CDK14: variants seen among roughly 807,000 people sequenced by gnomAD.
CDK14 encodes cyclin dependent kinase 14.
Under a neutral mutation model 60.7 loss-of-function variants are expected in CDK14, and 34 were observed. The observed-to-expected ratio is 0.56, with a 90% CI of 0.43 to 0.75. The LOEUF (loss-of-function observed/expected upper bound fraction) is 0.75, where lower values mean the gene tolerates loss of function less well. Ranked by LOEUF, CDK14 falls within the 30% of genes least tolerant of loss-of-function variation. The pLI, the probability that CDK14 is intolerant of heterozygous loss-of-function variation, is 0.00. For missense variants in CDK14, 482 were observed against 564.1 expected (o/e 0.85, Z 1.47); for synonymous variants, 197 against 203.7 (o/e 0.97, Z 0.28).
At chr7:91,022,857 TAAG>T (rs954598089) in intron 10 of CDK14, among the ~76,000 whole-genome samples, 62 of 152,198 alleles carry the variant, frequency 4.1e-4, no homozygotes, top group Admixed American at 5.2e-4. Context: ...ATGCTGCATG[TAAG>T]AAGAATTATT....
intron 4 of CDK14, among the ~76,000 whole-genome samples, chr7:90,781,398 T>C: frequency 6.6e-6 from 1 of 152,008 alleles, no homozygotes; most frequent in Non-Finnish European, 1.5e-5. Flanking sequence ...TTTCTTTTGC[T>C]GTGCAGAAGC....
At chr7:91,037,317 A>G (rs995406186) in intron 10 of CDK14, among the ~76,000 whole-genome samples, 3 of 152,234 alleles carry the variant, frequency 2.0e-5, no homozygotes, top group Non-Finnish European at 2.9e-5. Flanking sequence ...CAAGTAACTG[A>G]TAAAAATCCT....
intron 2 of CDK14, among the ~76,000 whole-genome samples, chr7:90,686,520 G>A (rs9655989): frequency 0.84 from 128,343 of 152,180 alleles, 54,303 homozygotes; most frequent in East Asian, 1. Context: ...AGCTCCTGGA[G>A]GACATGGTCT....
At chr7:90,684,104 T>G (rs1801381783) in intron 2 of CDK14, among the ~76,000 whole-genome samples, 2 of 152,240 alleles carry the variant, frequency 1.3e-5, no homozygotes, top group Non-Finnish European at 2.9e-5. Flanking sequence ...TCAATATATT[T>G]ACTTGTTTGC....
At chr7:90,721,007 T>TA (rs1272622107) in intron 2 of CDK14, among the ~76,000 whole-genome samples, 2 of 152,162 alleles carry the variant, frequency 1.3e-5, no homozygotes, top group Non-Finnish European at 1.5e-5. Flanking sequence ...TTAACTTCTT[T>TA]AAAAAAATGC....
chr7:90,879,965 C>G (rs1036243398), intron 6 of CDK14, among the ~76,000 whole-genome samples: 2 of 152,198 alleles, frequency 1.3e-5, no homozygotes, highest in Non-Finnish European at 2.9e-5. Context: ...TGCAACCCAC[C>G]AATCGGAAGA....
chr7:90,627,022 A>C (rs1164410509), intron 2 of CDK14, among the ~76,000 whole-genome samples: 1 of 152,192 alleles, frequency 6.6e-6, no homozygotes, highest in Admixed American at 6.5e-5. Context: ...AGATAACTTT[A>C]CTTTTATTAT....
intron 10 of CDK14, among the ~76,000 whole-genome samples, chr7:91,021,083 A>G (rs1210420028): frequency 6.6e-6 from 1 of 152,216 alleles, no homozygotes; most frequent in African/African-American, 2.4e-5. Flanking sequence ...AGCCAGTAAA[A>G]GATTTTCTCT....
At chr7:91,005,676 G>A (rs1343142676) in intron 10 of CDK14, among the ~76,000 whole-genome samples, 1 of 152,158 alleles carries the variant, frequency 6.6e-6, no homozygotes, top group African/African-American at 2.4e-5. Context: ...TGGAACATAA[G>A]CAATTTAAAC....
At chr7:90,926,026 A>C (rs1479219025) in intron 8 of CDK14, among the ~76,000 whole-genome samples, 2 of 152,182 alleles carry the variant, frequency 1.3e-5, no homozygotes, top group African/African-American at 4.8e-5. Flanking sequence ...CAGAGATGGA[A>C]AATAAGTTAA....
chr7:91,072,737 G>A (rs1406417917), intron 11 of CDK14, among the ~76,000 whole-genome samples: 1 of 152,096 alleles, frequency 6.6e-6, no homozygotes, highest in Non-Finnish European at 1.5e-5. Context: ...AAAGGAGCAT[G>A]TACTAACTCA....
chr7:90,604,265 T>G lies in CDK14; in HGVS notation c.123+16T>G. 6.7e-7 allele frequency: 1 copy of G among 1,481,588 alleles called. No individual in the cohort carries two copies. Among genetic ancestry groups the G allele is most frequent in the Non-Finnish European group, 9.2e-7 (1 of 1,090,302 alleles). 91.8% of individuals were successfully genotyped at this position (1,481,588 alleles called of 1,614,324 possible). ...CTTTGATGAGGTAGGTTAAATTTCTTTATCTAATGTTAGATGTATTTAATG... is the reference window on the plus strand; with the variant it reads ...CTTTGATGAGGTAGGTTAAATTTCTGTATCTAATGTTAGATGTATTTAATG... On this transcript the variant is annotated intron_variant, in intron 2 of 14. Coordinates refer to ENST00000380050, the MANE Select transcript of CDK14 (RefSeq NM_001287135.2).
intron 10 of CDK14, among the ~76,000 whole-genome samples, chr7:91,028,760 C>T (rs1256125954): frequency 6.6e-6 from 1 of 152,068 alleles, no homozygotes; most frequent in East Asian, 1.9e-4. Flanking sequence ...TGTTTGTCCA[C>T]TTTTAATGGG....
intron 6 of CDK14, among the ~76,000 whole-genome samples, chr7:90,896,370 C>T (rs1792338184): frequency 6.6e-6 from 1 of 151,844 alleles, no homozygotes; most frequent in South Asian, 2.1e-4. Context: ...TATTTTCCTC[C>T]TGCTGCCATT....
At chr7:90,948,902 AATGCTCTAAGAACAACAGC>A (rs1307631378) in intron 8 of CDK14, among the ~76,000 whole-genome samples, 6 of 151,954 alleles carry the variant, frequency 3.9e-5, no homozygotes, top group African/African-American at 1.5e-4. Context: ...TATGCATGCT[AATGCTCTAAGAACAACAGC>A]ATGTTTATCA....
chr7:90,749,913 G>A (rs1242199587), intron 4 of CDK14, among the ~76,000 whole-genome samples: 2 of 152,130 alleles, frequency 1.3e-5, no homozygotes, highest in East Asian at 3.9e-4. Flanking sequence ...TCAGCCCATT[G>A]CCTAAGGCAA....
At chr7:90,684,558 TATACTC>T (rs1563043858) in intron 2 of CDK14, among the ~76,000 whole-genome samples, 1 of 152,198 alleles carries the variant, frequency 6.6e-6, no homozygotes, top group Non-Finnish European at 1.5e-5. Flanking sequence ...TTCAAAAAGA[TATACTC>T]AGAGAAGTGT....
At chr7:90,675,317 A>T (rs1047891799) in intron 2 of CDK14, among the ~76,000 whole-genome samples, 9 of 152,244 alleles carry the variant, frequency 5.9e-5, no homozygotes, top group African/African-American at 2.2e-4. Context: ...TAACTGGTAT[A>T]GTCTGGCCTT....
chr7:91,008,143 AAACAAAC>A lies in CDK14; in HGVS notation c.1041+23905_1041+23911del, dbSNP rs1205174080. ...GGAGAAGGCCAAAAAAAAAAAAAAA[AAACAAAC>A]AAAAAAAAACAGTGGATGGTGGAGG... is the stretch of plus-strand genomic sequence containing the variant. On this transcript the variant is annotated intron_variant, in intron 10 of 14. Coordinates refer to ENST00000380050, the MANE Select transcript of CDK14 (RefSeq NM_001287135.2). Among the ~76,000 whole-genome samples the A allele has an allele frequency of 4.5e-4, 61 of 137,010 alleles. 6 individuals are homozygous for A. Among genetic ancestry groups the A allele is most frequent in the Middle Eastern group, 3.5e-3 (1 of 282 alleles). The allele number at this position is 137,010 out of a possible 152,430, so 89.9% of individuals were successfully genotyped here. A position where few individuals can be genotyped will look rare whatever the true frequency, so the allele number is the denominator to read the frequency against.
Sources: gnomAD v4.1 joint callset for allele counts (sites outside exome capture counted in the v4.1 genomes callset) on GRCh38, gnomAD v4.1.1 for gene constraint, MANE v1.5 for transcripts, NCBI Gene and HGNC (gene_info 2026-07-23, HGNC 2026-07-21) for gene names.